The following KIR3DL2 variants were observed in gnomAD, a reference collection of about 807,000 sequenced individuals.
KIR3DL2 encodes killer cell immunoglobulin-like receptor 3DL2.
A neutral mutation model predicts 41.6 loss-of-function variants in KIR3DL2; 42 were observed. The ratio of observed to expected loss-of-function variants is 1.01; its 90% CI spans 0.79 to 1.31. KIR3DL2 has a LOEUF of 1.31. Among genes scored for constraint, KIR3DL2 ranks in the 50% most tolerant of loss-of-function variants. The pLI, the probability that KIR3DL2 is intolerant of heterozygous loss-of-function variation, is 0.00. For synonymous variants in KIR3DL2, 230 were observed against 221.3 expected, an observed-to-expected ratio of 1.04 and a Z score of -0.35; for missense variants, 728 against 576.8, an observed-to-expected ratio of 1.26 and a Z score of -2.68.
intron 6 of KIR3DL2, among the ~76,000 whole-genome samples, chr19:54,863,086 A>G (rs1464362589): frequency 7.5e-6 from 1 of 133,426 alleles, no homozygotes; most frequent in East Asian, 2.2e-4. Context: ...ATTCCCACCT[A>G]TAAGTGAGAA....
rs921927171 is a variant in KIR3DL2 at position 54,859,333 on chromosome 19, G to A, written c.1000+204G>A. ...TCTCTTTACCTTTAATTTCCTGCAG[G>A]TGAGACCTCCTACAAGCTAGAAGAA... On this transcript the variant is annotated intron_variant, in intron 6 of 8. Coordinates refer to ENST00000326321, the MANE Select transcript of KIR3DL2 (RefSeq NM_006737.4). Among the ~76,000 whole-genome samples, 11 of 151,876 alleles carry A rather than the reference G, an allele frequency of 7.2e-5. 1 individual carries two copies. The highest frequency in any genetic ancestry group is 2.4e-4 in the African/African-American group (10 of 41,372).
intron 6 of KIR3DL2, among the ~76,000 whole-genome samples, chr19:54,859,350 C>G (rs1192052735): frequency 6.6e-6 from 1 of 152,072 alleles, no homozygotes; most frequent in Non-Finnish European, 1.5e-5. Flanking sequence ...CTCCTACAAG[C>G]TAGAAGAATA....
At chr19:54,864,577 CT>C (rs1184654162) in intron 6 of KIR3DL2, among the ~76,000 whole-genome samples, 1 of 151,882 alleles carries the variant, frequency 6.6e-6, no homozygotes, top group Non-Finnish European at 1.5e-5. Flanking sequence ...CTTCATATCC[CT>C]TGTAAGTTGG....
Position 54,855,719 on chromosome 19 carries a change from C to T in KIR3DL2, c.756C>T (p.Ile252=), listed in dbSNP as rs374110425. ...LSCSSWSSYD[I]YHLSREGEAH... ...GTAGCTCCTGGAGCTCCTATGACAT[C>T]TACCATCTGTCCAGGGAAGGGGAGG... is the stretch of plus-strand genomic sequence containing the variant. Residue 252 remains isoleucine (I), a synonymous_variant, in exon 5 of 9, where the codon ATC becomes ATT. Transcript: ENST00000326321. 3 of 1,612,914 alleles carry T rather than the reference C, an allele frequency of 1.9e-6. No individual in the cohort carries two copies. The highest frequency in any genetic ancestry group is 2.5e-6 in the Non-Finnish European group (3 of 1,179,544).
At position 54,866,415 on chromosome 19, in the gene KIR3DL2, A is replaced by G. The variant is rs756861192; in HGVS notation, c.1151A>G (p.Asn384Ser). 2 of 1,614,018 alleles carry G rather than the reference A, an allele frequency of 1.2e-6. No individual in the cohort carries two copies. The highest frequency in any genetic ancestry group is 2.2e-5 in the South Asian group (2 of 91,086). Residue 384 changes from asparagine (N) to serine (S), a missense_variant, in exon 8 of 9, where the codon AAT becomes AGT. Asn to Ser is a conservative substitution (Grantham distance 46). Transcript: ENST00000326321. ...DQEPAGDRTV[N>S]RQDSDEQDPQ... ...GAGCCTGCGGGGGACAGAACAGTGA[A>G]TAGGCAGGTAGGTCCTCCTCGGCCC... is the stretch of plus-strand genomic sequence containing the variant.
chr19:54,866,023 C>G (rs940943305), intron 7 of KIR3DL2, 114 bp downstream of exon 7: 1 of 967,770 alleles, frequency 1.0e-6, no homozygotes, highest in Admixed American at 2.2e-5. Context: ...AAGGGAGGAG[C>G]CACAGAGGCA....
chr19:54,865,869 C>T lies in KIR3DL2; in HGVS notation c.1065C>T (p.Leu355=). Residue 355 remains leucine (L), a synonymous_variant, in exon 7 of 9, where the codon CTC becomes CTT. Transcript: ENST00000326321. Reference sequence around the variant, plus strand: ...TGGTCATCTTCCTCTTCATCCTCCTCCTCTTCTTTCTCCTTTATCGCTGGT... The same window carrying T: ...TGGTCATCTTCCTCTTCATCCTCCTTCTCTTCTTTCTCCTTTATCGCTGGT... ...TSVVIFLFIL[L]LFFLLYRWCS... is the part of the protein sequence containing the mutation. The T allele has an allele frequency of 6.2e-7, 1 of 1,613,142 alleles. No homozygotes were observed. The highest frequency in any genetic ancestry group is 8.5e-7 in the Non-Finnish European group (1 of 1,179,232).
rs1251050905 is a variant in KIR3DL2, at chr19:54,850,481, G to A, written c.6G>A (p.Ser2=). The change falls in exon 1 of 9, where the codon TCG becomes TCA. Residue 2 remains serine (S), a synonymous_variant. Transcript: ENST00000326321. The part of the protein sequence containing the change: M[S]LTVVSMACVG... ...CTGTCTGCACCGGCAGCACCATGTC[G>A]CTCACGGTCGTCAGCATGGCGTGCG... 14 of 1,608,872 alleles carry A rather than the reference G, an allele frequency of 8.7e-6. 1 individual carries two copies. Among genetic ancestry groups the A allele is most frequent in the Middle Eastern group, 1.7e-4 (1 of 6,056 alleles).
chr19:54,852,670 A>G (rs2064381967), intron 3 of KIR3DL2, among the ~76,000 whole-genome samples: 1 of 151,148 alleles, frequency 6.6e-6, no homozygotes, highest in Non-Finnish European at 1.5e-5. Context: ...GGGAGACGCT[A>G]TCAGCCACTG....
intron 5 of KIR3DL2, among the ~76,000 whole-genome samples, chr19:54,857,435 G>A (rs984118673): frequency 3.3e-5 from 5 of 151,204 alleles, no homozygotes; most frequent in African/African-American, 1.2e-4. Context: ...CTCCATAATA[G>A]TTGTACTAAT....
rs1467203245 is a variant in KIR3DL2 at position 54,866,725 on chromosome 19, T to A, written c.1362T>A (p.Val454=). 3 of 1,613,214 alleles carry A rather than the reference T, an allele frequency of 1.9e-6. No individual in the cohort carries two copies. In the African/African-American group the frequency reaches 4.0e-5, roughly 22 times the overall value. Reference sequence around the variant, plus strand: ...CACCACAGTCAGGTCTTGAGGGGGTTTTCTAGGGAGACAACAGCCCTGTCT... The same window carrying A: ...CACCACAGTCAGGTCTTGAGGGGGTATTCTAGGGAGACAACAGCCCTGTCT... ...PRAPQSGLEG[V]F Residue 454 remains valine (V), a synonymous_variant, in exon 9 of 9, where the codon GTT becomes GTA. Transcript: ENST00000326321.
intron 6 of KIR3DL2, among the ~76,000 whole-genome samples, chr19:54,864,155 T>A (rs528477192): frequency 6.6e-6 from 1 of 152,200 alleles, no homozygotes; most frequent in South Asian, 2.1e-4. Context: ...TTGTCAAAGA[T>A]CACATAGTTG....
At chr19:54,850,807 T>C (rs1163995494) in intron 1 of KIR3DL2, among the ~76,000 whole-genome samples, 1 of 83,292 alleles carries the variant, frequency 1.2e-5, no homozygotes, top group Non-Finnish European at 2.3e-5. Context: ...GGAGTGGAGA[T>C]ATGGGCCTGG....
In KIR3DL2 at chr19:54,865,826, T is replaced by C. The variant is rs748902707; in HGVS notation, c.1022T>C (p.Val341Ala). The part of the protein sequence containing the change: ...SKSGICRHLH[V>A]LIGTSVVIFL... ...CCAGGTATCTGCAGACACCTGCATG[T>C]TCTGATTGGGACCTCAGTGGTCATC... is the stretch of plus-strand genomic sequence containing the variant. The change falls in exon 7 of 9, where the codon GTT becomes GCT. Residue 341 changes from valine to alanine, a missense_variant. Physicochemically the swap from Val to Ala is moderately conservative, Grantham distance 64. Coordinates refer to ENST00000326321, the MANE Select transcript of KIR3DL2 (RefSeq NM_006737.4). The C allele has an allele frequency of 5.1e-5, 82 of 1,612,180 alleles. No homozygotes were observed. Among genetic ancestry groups the C allele is most frequent in the Non-Finnish European group, 7.0e-5 (82 of 1,178,408 alleles).
chr19:54,863,952 A>C (rs1410882161), intron 6 of KIR3DL2, among the ~76,000 whole-genome samples: 1 of 152,194 alleles, frequency 6.6e-6, no homozygotes, highest in East Asian at 1.9e-4. Context: ...CCTGAATGGT[A>C]ATGCCTAGGT....
At chr19:54,866,085 A>G (rs1472424709) in intron 7 of KIR3DL2, among the ~76,000 whole-genome samples, 176 bp downstream of exon 7, 2 of 152,002 alleles carry the variant, frequency 1.3e-5, no homozygotes, top group African/African-American at 2.4e-5. Context: ...CAGCTCACAG[A>G]CCATTGCCTG....
At chr19:54,860,440 G>A (rs531912484) in intron 6 of KIR3DL2, among the ~76,000 whole-genome samples, 12 of 152,082 alleles carry the variant, frequency 7.9e-5, no homozygotes, top group African/African-American at 2.7e-4. Context: ...GCATGATCTC[G>A]GCTCACTGCA....
At chr19:54,856,016 A>C in intron 5 of KIR3DL2, 104 bp downstream of exon 5, 1 of 1,397,732 alleles carries the variant, frequency 7.2e-7, no homozygotes, top group Non-Finnish European at 9.8e-7. Flanking sequence ...CAGAGAGAAC[A>C]CGAAGACTGG....
intron 4 of KIR3DL2, 59 bp from the exon 5 acceptor site, chr19:54,855,560 A>T: frequency 6.8e-7 from 1 of 1,460,942 alleles, no homozygotes; most frequent in Non-Finnish European, 9.4e-7. Context: ...CAGCTCAGGT[A>T]TGAGGGGAGC....
Sources: allele counts gnomAD v4.1 joint callset (sites outside exome capture counted in the v4.1 genomes callset), GRCh38; gene constraint gnomAD v4.1.1; transcripts MANE v1.5; gene names NCBI Gene and HGNC (gene_info 2026-07-23, HGNC 2026-07-21).